The following SUGCT variants were observed in gnomAD, a reference collection of about 807,000 sequenced individuals.
The protein encoded by SUGCT is succinyl-CoA:glutarate CoA-transferase.
Under a neutral mutation model 55.0 loss-of-function variants are expected in SUGCT, and 41 were observed. The ratio of observed to expected loss-of-function variants is 0.74; its 90% CI spans 0.58 to 0.97. SUGCT has a LOEUF of 0.97. Ranked by LOEUF, SUGCT falls within the 50% of genes least tolerant of loss-of-function variation. The probability of loss-of-function intolerance (pLI) is 0.00; values close to 1 mark genes in which losing one functional copy is unlikely to be tolerated. For missense variants in SUGCT, 568 were observed against 547.8 expected (o/e 1.04, Z -0.37); for synonymous variants, 187 against 200.4 (o/e 0.93, Z 0.56).
the SUGCT span, among the ~76,000 whole-genome samples, chr7:40,924,347 C>T: frequency 6.6e-6 from 1 of 151,600 alleles, no homozygotes; most frequent in Non-Finnish European, 1.5e-5. Context: ...CTCAAGTGAT[C>T]CCCCCACCTC....
chr7:40,828,268 A>G (rs148244519), intron 13 of SUGCT, among the ~76,000 whole-genome samples: 1 of 152,210 alleles, frequency 6.6e-6, no homozygotes, highest in African/African-American at 2.4e-5. Flanking sequence ...TCCCCAACCC[A>G]TGGGAGGGCT....
intron 12 of SUGCT, among the ~76,000 whole-genome samples, chr7:40,554,056 A>G (rs764004591): frequency 7.0e-4 from 106 of 152,236 alleles, no homozygotes; most frequent in Non-Finnish European, 9.7e-4. Flanking sequence ...TGGGGTCTGC[A>G]GATCTGGATT....
At chr7:40,976,316 A>G in the SUGCT span, among the ~76,000 whole-genome samples, 1 of 152,310 alleles carries the variant, frequency 6.6e-6, no homozygotes, top group East Asian at 1.9e-4. Context: ...CATGGGAGGT[A>G]TCCCAGTTCT....
intron 9 of SUGCT, among the ~76,000 whole-genome samples, chr7:40,395,937 CT>C (rs1411839678): frequency 1.3e-5 from 2 of 152,154 alleles, no homozygotes; most frequent in Admixed American, 1.3e-4. Context: ...CCAAACTTTC[CT>C]TTAAGAGACA....
chr7:40,638,285 T>A (rs754580496), intron 12 of SUGCT, among the ~76,000 whole-genome samples: 15 of 152,206 alleles, frequency 9.9e-5, no homozygotes, highest in Non-Finnish European at 1.6e-4. Flanking sequence ...TTTATTTTTT[T>A]AAAAATTGAG....
chr7:40,281,165 T>G (rs1792927974), intron 8 of SUGCT, among the ~76,000 whole-genome samples: 1 of 152,224 alleles, frequency 6.6e-6, no homozygotes, highest in East Asian at 1.9e-4. Flanking sequence ...CCTAAAGTCT[T>G]GTGGGTCTTA....
the SUGCT span, among the ~76,000 whole-genome samples, chr7:40,921,654 C>T: frequency 3.9e-5 from 6 of 152,202 alleles, no homozygotes; most frequent in Non-Finnish European, 5.9e-5. Context: ...TCAGATGCCT[C>T]GGCTTTTCCC....
At chr7:40,441,340 T>TG (rs1240636140) in intron 9 of SUGCT, among the ~76,000 whole-genome samples, 2 of 152,136 alleles carry the variant, frequency 1.3e-5, no homozygotes, top group African/African-American at 4.8e-5. Context: ...CAGGCCTTAC[T>TG]GGGGTAAGGT....
intron 8 of SUGCT, among the ~76,000 whole-genome samples, chr7:40,295,341 C>T (rs1584603590): frequency 1.3e-5 from 2 of 152,048 alleles, no homozygotes; most frequent in Non-Finnish European, 2.9e-5. Context: ...TTTGGGAGGT[C>T]AAGGCAGGCG....
chr7:40,160,898 G>A (rs990496327), intron 1 of SUGCT, among the ~76,000 whole-genome samples: 1 of 151,948 alleles, frequency 6.6e-6, no homozygotes, highest in Admixed American at 6.6e-5. Flanking sequence ...TAGAGAACAT[G>A]ATTTTCATAG....
the SUGCT span, among the ~76,000 whole-genome samples, chr7:40,891,424 A>G: frequency 6.6e-6 from 1 of 152,208 alleles, no homozygotes. Flanking sequence ...GAAGCAACTT[A>G]TCACATAAAA....
At chr7:40,228,415 GT>G (rs932295443) in intron 6 of SUGCT, among the ~76,000 whole-genome samples, 3 of 151,726 alleles carry the variant, frequency 2.0e-5, no homozygotes, top group African/African-American at 7.3e-5. Flanking sequence ...ATTCTGTTGT[GT>G]TTTTTGATTT....
intron 12 of SUGCT, among the ~76,000 whole-genome samples, chr7:40,734,480 G>A (rs868275732): frequency 1.3e-5 from 2 of 152,076 alleles, no homozygotes; most frequent in South Asian, 2.1e-4. Context: ...TGAAAAATCT[G>A]TTTCACTGTG....
intron 7 of SUGCT, among the ~76,000 whole-genome samples, chr7:40,273,226 A>G (rs1208656451): frequency 6.6e-6 from 1 of 152,200 alleles, no homozygotes; most frequent in Non-Finnish European, 1.5e-5. Context: ...AAAAGCAGGG[A>G]AAAATAAGTT....
chr7:40,823,478 G>A (rs1792135503), intron 13 of SUGCT, among the ~76,000 whole-genome samples: 1 of 152,048 alleles, frequency 6.6e-6, no homozygotes, highest in Admixed American at 6.6e-5. Flanking sequence ...ACTGGAGAAT[G>A]AAGGTGGTAA....
intron 9 of SUGCT, among the ~76,000 whole-genome samples, chr7:40,448,452 AT>A (rs1303333107): frequency 6.6e-6 from 1 of 151,934 alleles, no homozygotes; most frequent in African/African-American, 2.4e-5. Flanking sequence ...GATTTCCTTT[AT>A]TTTTTTGAAT....
At chr7:40,953,445 T>C in the SUGCT span, among the ~76,000 whole-genome samples, 50,625 of 152,168 alleles carry the variant, frequency 0.33, 9,151 homozygotes, top group Admixed American at 0.45. Flanking sequence ...GCCTTCTTCT[T>C]TCAACTCATC....
rs371048733 is a variant in SUGCT, at chr7:40,560,638, A to C, written c.1089+64252A>C. Among the ~76,000 whole-genome samples, 3 of 152,278 alleles carry C rather than the reference A, an allele frequency of 2.0e-5. No homozygotes were observed. In the East Asian group the frequency reaches 5.8e-4, roughly 29 times the overall value. ...TGATAGAGACAAATTGGTTATTTCC[A>C]CCCAACCCTCCAAATTTCACTGTTT... On this transcript the variant is annotated intron_variant, in intron 12 of 13. Transcript: ENST00000335693.
chr7:40,670,202 A>G (rs1397257604), intron 12 of SUGCT, among the ~76,000 whole-genome samples: 1 of 150,072 alleles, frequency 6.7e-6, no homozygotes, highest in Non-Finnish European at 1.5e-5. Flanking sequence ...AAGAAGAAGA[A>G]GAAGAAGAGT....
Sources: gnomAD v4.1 joint callset for allele counts (sites outside exome capture counted in the v4.1 genomes callset) on GRCh38, gnomAD v4.1.1 for gene constraint, MANE v1.5 for transcripts, NCBI Gene and HGNC (gene_info 2026-07-23, HGNC 2026-07-21) for gene names.